Variants in ADAMTS16 observed in about 807,000 individuals in gnomAD.
The protein encoded by ADAMTS16 is A disintegrin and metalloproteinase with thrombospondin motifs 16.
ADAMTS16 carries 94 observed loss-of-function variants against 145.8 expected under a neutral mutation model. The observed-to-expected ratio is 0.64, with a 90% CI of 0.55 to 0.77. The LOEUF (loss-of-function observed/expected upper bound fraction) is 0.77, where lower values mean the gene tolerates loss of function less well. Ranked by LOEUF, ADAMTS16 falls within the 30% of genes least tolerant of loss-of-function variation. The pLI is 0.00. For synonymous variants in ADAMTS16, 659 were observed against 604.3 expected (o/e 1.09, Z -1.33); for missense variants, 1,585 against 1,591.5 (o/e 1.00, Z 0.07).
At chr5:5,236,385 A>G (rs1331769118) in intron 13 of ADAMTS16, among the ~76,000 whole-genome samples, 2 of 152,194 alleles carry the variant, frequency 1.3e-5, no homozygotes, top group Non-Finnish European at 1.5e-5. Context: ...AAACCTTGAA[A>G]TGGATTATTT....
Position 5,146,457 on chromosome 5 carries a change from T to G in ADAMTS16, c.501+2T>G. 2 of 1,603,414 alleles carry G rather than the reference T, an allele frequency of 1.2e-6. No individual in the cohort carries two copies. The highest frequency in any genetic ancestry group is 1.7e-6 in the Non-Finnish European group (2 of 1,178,388). ...GCCCTTTCAACCTGCCAAGGCTTGG[T>G]GAGTACAGCGCAAGCCCCAGGTAGG... On this transcript the variant is annotated splice_donor_variant, in intron 3 of 22. Transcript: ENST00000274181. LOFTEE classifies it high-confidence loss of function.
At chr5:5,185,574 G>C (rs1286352085) in intron 4 of ADAMTS16, among the ~76,000 whole-genome samples, 1 of 152,216 alleles carries the variant, frequency 6.6e-6, no homozygotes, top group African/African-American at 2.4e-5. Flanking sequence ...GTGTAGACAA[G>C]CTAGTTATGT....
chr5:5,169,668 G>T, intron 3 of ADAMTS16, among the ~76,000 whole-genome samples: 1 of 152,168 alleles, frequency 6.6e-6, no homozygotes, highest in Non-Finnish European at 1.5e-5. Context: ...CTCGCTAGGT[G>T]TCCTTGCTGC....
rs1418727503 is a variant in ADAMTS16, at chr5:5,187,727, A to G, written c.966A>G (p.Val322=). ...TTYVLTILNM[V]SALFKDGTIG... is the part of the protein sequence containing the mutation. ...CATGGATTTCCTGTCTTTTTCAGGT[A>G]TCTGCTTTATTCAAAGATGGAACAA... Residue 322 remains valine (V), a splice_region_variant and synonymous_variant, in exon 6 of 23, where the codon GTA becomes GTG. Transcript: ENST00000274181. 1.2e-6 allele frequency: 2 copies of G among 1,608,848 alleles called. No individual in the cohort carries two copies. Among genetic ancestry groups the G allele is most frequent in the South Asian group, 1.1e-5 (1 of 90,714 alleles).
In ADAMTS16 at chr5:5,146,197, C is replaced by T. The variant is rs368237853; in HGVS notation, c.243C>T (p.His81=). The T allele has an allele frequency of 6.2e-7, 1 of 1,614,058 alleles. No homozygotes were observed. The highest frequency in any genetic ancestry group is 1.3e-5 in the African/African-American group (1 of 74,910). ...ATTACGTGTCCCATGAAATCATGCA[C>T]CATCAGCGGCGGAGAAGAGCAGTGC... ...RGDYVSHEIM[H]HQRRRRAVPV... is the part of the protein sequence containing the mutation. Residue 81 remains histidine, a synonymous_variant, in exon 3 of 23, where the codon CAC becomes CAT. Transcript: ENST00000274181.
At chr5:5,280,931 C>T (rs1049900383) in intron 18 of ADAMTS16, among the ~76,000 whole-genome samples, 5 of 152,192 alleles carry the variant, frequency 3.3e-5, no homozygotes, top group East Asian at 3.8e-4. Flanking sequence ...AGCAAACCAG[C>T]GCAGCTGTTT....
chr5:5,200,290 T>A, intron 9 of ADAMTS16, 21 bp downstream of exon 9: 1 of 1,613,210 alleles, frequency 6.2e-7, no homozygotes, highest in Non-Finnish European at 8.5e-7. Context: ...TTTAAGCTGG[T>A]CTTGTGATCT....
rs563340643 is a variant in ADAMTS16, at chr5:5,284,968, C to A, written c.2790-18300C>A. Among the ~76,000 whole-genome samples, 6 of 152,210 alleles carry A rather than the reference C, an allele frequency of 3.9e-5. No individual in the cohort carries two copies. The East Asian group carries it at 5.8e-4, about 15-fold the overall frequency. ...ACTTATTCTGAGTGCTTTATGGAAC[C>A]AATACCAATGGCTTGTAACAAGAAT... is the stretch of plus-strand genomic sequence containing the variant. On this transcript the variant is annotated intron_variant, in intron 18 of 22. Transcript: ENST00000274181.
In ADAMTS16 at chr5:5,310,300, T is replaced by A. The variant is rs1740369535; in HGVS notation, c.3411+3572T>A. Among the ~76,000 whole-genome samples the A allele has an allele frequency of 6.6e-6, 1 of 152,024 alleles. No homozygotes were observed. The highest frequency in any genetic ancestry group is 2.1e-4 in the South Asian group (1 of 4,820). On this transcript the variant is annotated intron_variant, in intron 21 of 22. Coordinates refer to ENST00000274181, the MANE Select transcript of ADAMTS16 (RefSeq NM_139056.4). This position sits in a 1 kb window ranked among gnomAD's most constrained non-coding sequence, Gnocchi z 4.3. ...ATCTCTCATCCTTCCTAGCCCCCAATTCCCTTTTCTGTGGCCACTTCCAGC... is the reference window on the plus strand; with the variant it reads ...ATCTCTCATCCTTCCTAGCCCCCAAATCCCTTTTCTGTGGCCACTTCCAGC...
chr5:5,290,026 T>C (rs10512785), intron 18 of ADAMTS16, among the ~76,000 whole-genome samples: 10,859 of 152,326 alleles, frequency 0.071, 477 homozygotes, highest in Middle Eastern at 0.13. Flanking sequence ...GGTCATCTCA[T>C]TATTAGCATG....
chr5:5,237,121 T>C (rs1303435308), intron 14 of ADAMTS16, 22 bp downstream of exon 14: 6 of 1,610,854 alleles, frequency 3.7e-6, no homozygotes, highest in Non-Finnish European at 5.1e-6. Flanking sequence ...CCTTCATTCA[T>C]TCAACAAATG....
chr5:5,167,895 T>A (rs1014740426), intron 3 of ADAMTS16, among the ~76,000 whole-genome samples: 17 of 152,244 alleles, frequency 1.1e-4, no homozygotes, highest in African/African-American at 4.1e-4. Flanking sequence ...AATACCCATG[T>A]GGGGCTGTTC....
chr5:5,248,074 T>G (rs1435100315), intron 17 of ADAMTS16, among the ~76,000 whole-genome samples: 1 of 152,376 alleles, frequency 6.6e-6, no homozygotes, highest in Non-Finnish European at 1.5e-5. Context: ...AATGCATGCT[T>G]CTTTTGAGAG....
chr5:5,194,483 G>T (rs1048101692), intron 8 of ADAMTS16, among the ~76,000 whole-genome samples: 1 of 152,168 alleles, frequency 6.6e-6, no homozygotes, highest in African/African-American at 2.4e-5. Context: ...AGACTATGTG[G>T]AATATTCAGC....
intron 9 of ADAMTS16, 34 bp downstream of exon 9, chr5:5,200,303 C>T (rs201399324): frequency 3.4e-5 from 55 of 1,611,512 alleles, no homozygotes; most frequent in East Asian, 1.3e-4. Flanking sequence ...TGTGATCTTT[C>T]GGGGCCTTTG....
At position 5,236,980 on chromosome 5, in the gene ADAMTS16, T is replaced by G. The variant is rs1380065792; in HGVS notation, c.2035T>G (p.Cys679Gly). 6.2e-7 allele frequency: 1 copy of G among 1,613,204 alleles called. No homozygotes were observed. The highest frequency in any genetic ancestry group is 1.3e-5 in the African/African-American group (1 of 74,928). Residue 679 changes from cysteine (C) to glycine (G), a missense_variant, in exon 14 of 23, where the codon TGC becomes GGC. This residue lies in a region of ADAMTS16 where 834 missense variants were observed against 811.7 expected (regional missense o/e 1.03). Transcript: ENST00000274181. ...PYTQVEDQDL[C>G]KLYCIAEGFD... Reference sequence around the variant, plus strand: ...TATTTCTTTTTAAGATCAGGACTTATGCAAACTCTACTGTATCGCAGAAGG... The same window carrying G: ...TATTTCTTTTTAAGATCAGGACTTAGGCAAACTCTACTGTATCGCAGAAGG...
intron 8 of ADAMTS16, 60 bp downstream of exon 8, chr5:5,191,850 A>G (rs1027842619): frequency 3.9e-6 from 5 of 1,284,690 alleles, no homozygotes; most frequent in African/African-American, 3.0e-5. Flanking sequence ...GATGATTTCC[A>G]TGGAAATATT....
chr5:5,151,978 G>A (rs906500139), intron 3 of ADAMTS16, among the ~76,000 whole-genome samples: 2 of 151,888 alleles, frequency 1.3e-5, no homozygotes, highest in Non-Finnish European at 2.9e-5. Context: ...TAGATTCCAC[G>A]TGTAAGTGAG....
intron 18 of ADAMTS16, among the ~76,000 whole-genome samples, chr5:5,268,854 C>T (rs967752058): frequency 2.6e-5 from 4 of 152,160 alleles, no homozygotes; most frequent in African/African-American, 7.2e-5. Context: ...CAGGGGTCAC[C>T]TTCTAGGGGA....
Sources: allele counts gnomAD v4.1 joint callset (sites outside exome capture counted in the v4.1 genomes callset), GRCh38; gene constraint gnomAD v4.1.1; regional missense constraint gnomAD v4.1.1; non-coding constraint Gnocchi (gnomAD v3.1); transcripts MANE v1.5; gene names NCBI Gene and HGNC (gene_info 2026-07-23, HGNC 2026-07-21).